Variants in ATP2C1 observed in about 807,000 individuals in gnomAD.
The protein encoded by ATP2C1 is ATPase secretory pathway Ca2+ transporting 1, also known as calcium-transporting ATPase type 2C member 1.
In ATP2C1, 31 loss-of-function variants were observed where a neutral mutation model predicts 120.5. The ratio of observed to expected loss-of-function variants is 0.26; its 90% CI spans 0.19 to 0.35. The LOEUF is 0.35. Among genes scored for constraint, ATP2C1 ranks in the 10% least tolerant of loss-of-function variants. The pLI, the probability that ATP2C1 is intolerant of heterozygous loss-of-function variation, is 1.00. For missense variants in ATP2C1, 731 were observed against 1,107.5 expected (o/e 0.66, Z 4.83); for synonymous variants, 351 against 358.7 (o/e 0.98, Z 0.24).
downstream of ATP2C1, among the ~76,000 whole-genome samples, chr3:131,004,845 T>C (rs2063041581): frequency 1.3e-5 from 2 of 152,000 alleles, no homozygotes; most frequent in South Asian, 4.1e-4. Context: ...AGGCAGGAGG[T>C]ACAGTGTGAA....
At chr3:130,853,122 A>G (rs2067727851) in intron 1 of ATP2C1, among the ~76,000 whole-genome samples, 1 of 152,232 alleles carries the variant, frequency 6.6e-6, no homozygotes, top group South Asian at 2.1e-4. Context: ...TATTTAGAAA[A>G]AAAGTTCATA....
intron 26 of ATP2C1, chr3:131,014,401 GA>G (rs746783724): frequency 6.5e-7 from 1 of 1,544,968 alleles, no homozygotes; most frequent in South Asian, 1.3e-5. Flanking sequence ...TTCAAAGCAA[GA>G]AAAAAGTATG....
chr3:130,994,377 C>T (rs2062501532), intron 22 of ATP2C1, among the ~76,000 whole-genome samples: 1 of 152,014 alleles, frequency 6.6e-6, no homozygotes, highest in South Asian at 2.1e-4. Context: ...ATAGTAATGG[C>T]CTTTATTTTA....
chr3:130,967,049 T>C (rs1434921199), intron 14 of ATP2C1, 96 bp from the exon 15 acceptor site: 1 of 875,694 alleles, frequency 1.1e-6, no homozygotes, highest in Non-Finnish European at 2.0e-6. Context: ...ATAAATAAAA[T>C]GAACAGAACT....
At position 130,940,616 on chromosome 3, in the gene ATP2C1, T is replaced by G. The variant is rs1259264500; in HGVS notation, c.361-14T>G. On this transcript the variant is annotated splice_polypyrimidine_tract_variant and intron_variant, in intron 6 of 27. Transcript: ENST00000510168. The stretch of plus-strand genomic sequence containing the variant: ...GGGAGCAAAATTAAATTCTACTTTT[T>G]TTTGTTTGAATAGGAATATCGTTCA... 1.9e-6 allele frequency: 3 copies of G among 1,577,870 alleles called. No homozygotes were observed. The East Asian group carries it at 6.7e-5, about 35-fold the overall frequency.
chr3:130,927,487 C>T (rs559734755), intron 2 of ATP2C1, among the ~76,000 whole-genome samples: 8 of 152,242 alleles, frequency 5.3e-5, no homozygotes, highest in Admixed American at 1.3e-4. Context: ...GTGAACCGCC[C>T]GCTTCAGCCT....
At chr3:131,007,351 G>C (rs1425872069), downstream of ATP2C1, among the ~76,000 whole-genome samples, 2 of 152,186 alleles carry the variant, frequency 1.3e-5, no homozygotes, top group East Asian at 3.8e-4. Context: ...TGGCCAAACT[G>C]ACAAATATAC....
chr3:130,996,049 A>G lies in ATP2C1; in HGVS notation c.2064A>G (p.Ala688=). 6.3e-7 allele frequency: 1 copy of G among 1,593,424 alleles called. No homozygotes were observed. Among genetic ancestry groups the G allele is most frequent in the Non-Finnish European group, 8.6e-7 (1 of 1,161,642 alleles). ...VDDDFQTIMS[A]IEEGKGIYNN... The stretch of plus-strand genomic sequence containing the variant: ...TTTATTTTTTAAATTTCAGGTCTGC[A>G]ATCGAAGAGGGTAAAGGGATTTATA... Residue 688 remains alanine (A), a synonymous_variant, in exon 23 of 28, where the codon GCA becomes GCG. Coordinates refer to ENST00000510168, the MANE Select transcript of ATP2C1 (RefSeq NM_001378687.1).
At position 131,001,385 on chromosome 3, in the gene ATP2C1, T is replaced by C; in HGVS notation, c.*35T>C. 1 of 1,607,914 alleles carries C rather than the reference T, an allele frequency of 6.2e-7. No individual in the cohort carries two copies. The highest frequency in any genetic ancestry group is 1.1e-5 in the South Asian group (1 of 90,620). The stretch of plus-strand genomic sequence containing the variant: ...CATTATTTTATTTGCAAACTAGGAA[T>C]TGCAGTCTGAGGATCATTTAGAAGG... On this transcript the variant is annotated 3_prime_UTR_variant, in exon 28 of 28. Transcript: ENST00000510168.
chr3:130,896,439 A>G (rs1237122441), intron 2 of ATP2C1, among the ~76,000 whole-genome samples: 5 of 152,184 alleles, frequency 3.3e-5, no homozygotes, highest in Non-Finnish European at 7.4e-5. Flanking sequence ...ATTCTTGACC[A>G]TCAAGAGACC....
intron 12 of ATP2C1, among the ~76,000 whole-genome samples, chr3:130,961,780 T>C (rs72628533): frequency 0.12 from 18,759 of 151,986 alleles, 1,489 homozygotes; most frequent in East Asian, 0.39. Flanking sequence ...AAGAGAATAA[T>C]TGACAGAGAA....
chr3:130,919,945 AATG>A (rs1411968810), intron 2 of ATP2C1, among the ~76,000 whole-genome samples: 2 of 152,180 alleles, frequency 1.3e-5, no homozygotes, highest in African/African-American at 4.8e-5. Context: ...CCTAATGGTT[AATG>A]ATGAGCATCT....
rs542918034 is a variant in ATP2C1, at chr3:130,894,808, G to A, written c.6+33G>A. ...CCCCTGGCCGACCGGTTGCAACGCG[G>A]AGTTGAGGGTGTGGTGGTTTGCTTT... On this transcript the variant is annotated intron_variant, in intron 2 of 27. Coordinates refer to ENST00000510168, the MANE Select transcript of ATP2C1 (RefSeq NM_001378687.1). This position sits in a 1 kb window ranked among gnomAD's most constrained non-coding sequence, Gnocchi z 4.5. The A allele has an allele frequency of 1.1e-5, 18 of 1,591,700 alleles. No individual in the cohort carries two copies. Among genetic ancestry groups the A allele is most frequent in the Middle Eastern group, 1.7e-4 (1 of 6,020 alleles).
chr3:130,903,681 C>T (rs1350688428), intron 2 of ATP2C1, among the ~76,000 whole-genome samples: 1 of 144,150 alleles, frequency 6.9e-6, no homozygotes, highest in African/African-American at 2.6e-5. Context: ...CCTCTTTCCC[C>T]TTTCCCATTT....
intron 2 of ATP2C1, among the ~76,000 whole-genome samples, chr3:130,923,883 A>G (rs983960463): frequency 2.8e-4 from 41 of 148,560 alleles, no homozygotes; most frequent in Non-Finnish European, 5.4e-4. Flanking sequence ...AAAAAAAAAA[A>G]GGATAACTAC....
intron 26 of ATP2C1, among the ~76,000 whole-genome samples, chr3:131,014,733 T>TG (rs1341353893): frequency 6.6e-6 from 1 of 152,216 alleles, no homozygotes. Flanking sequence ...ACAGGCAGTT[T>TG]GTTAGAATAT....
At chr3:131,013,609 C>G (rs1435532068) in intron 26 of ATP2C1, among the ~76,000 whole-genome samples, 3 of 152,354 alleles carry the variant, frequency 2.0e-5, no homozygotes, top group South Asian at 4.1e-4. Flanking sequence ...TTAGTAGAGA[C>G]AGTTTTCTGT....
chr3:130,902,123 T>G (rs901681405), intron 2 of ATP2C1, among the ~76,000 whole-genome samples: 2 of 152,122 alleles, frequency 1.3e-5, no homozygotes, highest in East Asian at 1.9e-4. Flanking sequence ...GTAAAGAGAT[T>G]ATGACTACTT....
chr3:130,998,644 C>T (rs2062744026), intron 26 of ATP2C1, among the ~76,000 whole-genome samples: 1 of 152,170 alleles, frequency 6.6e-6, no homozygotes, highest in Non-Finnish European at 1.5e-5. Flanking sequence ...CTGCGTTTAG[C>T]TGGCTATAGC....
Sources: gnomAD v4.1 joint callset for allele counts (sites outside exome capture counted in the v4.1 genomes callset) on GRCh38, gnomAD v4.1.1 for gene constraint, Gnocchi (gnomAD v3.1) non-coding constraint, MANE v1.5 for transcripts, NCBI Gene and HGNC (gene_info 2026-07-23, HGNC 2026-07-21) for gene names.